Variants in CCDC81 observed in about 807,000 individuals in gnomAD.
CCDC81 encodes the protein coiled-coil domain containing 81.
A neutral mutation model predicts 83.7 loss-of-function variants in CCDC81; 79 were observed. The observed-to-expected ratio is 0.94, with a 90% CI of 0.79 to 1.14. The LOEUF is 1.14. CCDC81 is among the 50% of genes most tolerant of loss of function. CCDC81 has a pLI of 0.00. For missense variants in CCDC81, 791 were observed against 778.1 expected (o/e 1.02, Z -0.20); for synonymous variants, 252 against 278.1 (o/e 0.91, Z 0.93).
rs1381533097 is a variant in CCDC81 at position 86,408,219 on chromosome 11, C to G, written c.1062C>G (p.Leu354=). The G allele has an allele frequency of 1.9e-5, 30 of 1,613,932 alleles. No homozygotes were observed. The highest frequency in any genetic ancestry group is 2.5e-5 in the Non-Finnish European group (29 of 1,179,836). Residue 354 remains leucine, a synonymous_variant, in exon 9 of 15, where the codon CTC becomes CTG. Transcript: ENST00000445632. ...ERRREIEDER[L]IQQYQMLKDQ... The stretch of plus-strand genomic sequence containing the variant: ...GGAGAGAGATAGAAGATGAGAGACT[C>G]ATACAGCAGTATCAGATGTTAAAGG...
In CCDC81 at chr11:86,386,095, C is replaced by G; in HGVS notation, c.124C>G (p.Gln42Glu). 6.8e-7 allele frequency: 1 copy of G among 1,477,910 alleles called. No homozygotes were observed. Among genetic ancestry groups the G allele is most frequent in the Non-Finnish European group, 9.2e-7 (1 of 1,088,640 alleles). 91.5% of individuals were successfully genotyped at this position (1,477,910 alleles called of 1,614,324 possible). ...WGNVSEFVRRQLTLHKGVQIP... is the reference protein window; with the variant it reads ...WGNVSEFVRRELTLHKGVQIP... Reference sequence around the variant, plus strand: ...GAATGTATCAGAATTTGTGAGACGGCAGTTAACCCTGCACAAGGTAAGATT... The same window carrying G: ...GAATGTATCAGAATTTGTGAGACGGGAGTTAACCCTGCACAAGGTAAGATT... Residue 42 changes from glutamine to glutamate, a missense_variant, in exon 2 of 15, where the codon CAG (glutamine) becomes GAG (glutamate). Physicochemically the swap from Gln to Glu is conservative, Grantham distance 29 (BLOSUM62 2). Transcript: ENST00000445632.
intron 5 of CCDC81, among the ~76,000 whole-genome samples, 174 bp from the exon 6 acceptor site, chr11:86,397,447 T>C (rs1170748594): frequency 1.3e-5 from 2 of 152,190 alleles, no homozygotes; most frequent in Admixed American, 1.3e-4. Flanking sequence ...CCAGAAAGCC[T>C]TGGAGAAAAT....
intron 1 of CCDC81, among the ~76,000 whole-genome samples, chr11:86,384,105 C>T (rs73517937): frequency 0.04 from 6,106 of 152,164 alleles, 210 homozygotes; most frequent in African/African-American, 0.088. Flanking sequence ...TCCTAAAATA[C>T]GAGCTTTTAG....
At chr11:86,418,487 A>G (rs564349760) in intron 13 of CCDC81, among the ~76,000 whole-genome samples, 1 of 152,342 alleles carries the variant, frequency 6.6e-6, no homozygotes, top group East Asian at 1.9e-4. Flanking sequence ...GATAAACAAA[A>G]TGTAGTGTGG....
At chr11:86,416,655 C>G (rs1948723679) in intron 13 of CCDC81, among the ~76,000 whole-genome samples, 1 of 152,200 alleles carries the variant, frequency 6.6e-6, no homozygotes, top group South Asian at 2.1e-4. Flanking sequence ...AACTGTAAAG[C>G]TCTGAACACA....
At chr11:86,416,043 C>A (rs548424775) in intron 13 of CCDC81, among the ~76,000 whole-genome samples, 90 of 152,240 alleles carry the variant, frequency 5.9e-4, no homozygotes, top group African/African-American at 2.1e-3. Context: ...ATTTGGATTT[C>A]TTTAATGACT....
chr11:86,407,797 G>A (rs951474825), intron 8 of CCDC81, 96 bp downstream of exon 8: 1 of 932,720 alleles, frequency 1.1e-6, no homozygotes, highest in South Asian at 1.5e-5. Flanking sequence ...TTAATTATAT[G>A]AGTATGGCTC....
chr11:86,386,811 A>T (rs900995738), intron 2 of CCDC81, among the ~76,000 whole-genome samples: 1 of 152,162 alleles, frequency 6.6e-6, no homozygotes, highest in Non-Finnish European at 1.5e-5. Context: ...AAATCAGCAG[A>T]TCTAACAGTA....
In CCDC81 at chr11:86,400,750, T is replaced by G. The variant is rs750274573; in HGVS notation, c.830T>G (p.Leu277Arg). 6.2e-7 allele frequency: 1 copy of G among 1,613,198 alleles called. No homozygotes were observed. The highest frequency in any genetic ancestry group is 1.7e-5 in the Admixed American group (1 of 60,008). Reference protein sequence around the residue: ...FPAKVTNVSLLEKFERSESGG... With the variant: ...FPAKVTNVSLREKFERSESGG... ...GCCAAAGTGACAAATGTCAGCTTGCTGGAAAAGTTTGAACGAAGTGAGAGT... is the reference window on the plus strand; with the variant it reads ...GCCAAAGTGACAAATGTCAGCTTGCGGGAAAAGTTTGAACGAAGTGAGAGT... The change falls in exon 7 of 15, where the codon CTG (leucine) becomes CGG (arginine). Residue 277 changes from leucine to arginine, a missense_variant. Coordinates refer to ENST00000445632, the MANE Select transcript of CCDC81 (RefSeq NM_001156474.2).
chr11:86,419,976 C>G lies in CCDC81; in HGVS notation c.1740C>G (p.Asn580Lys). 1.2e-6 allele frequency: 2 copies of G among 1,613,778 alleles called. No homozygotes were observed. The highest frequency in any genetic ancestry group is 1.7e-6 in the Non-Finnish European group (2 of 1,179,870). The change falls in exon 14 of 15, where the codon AAC (asparagine) becomes AAG (lysine). Residue 580 changes from asparagine (N) to lysine (K), a missense_variant. Transcript: ENST00000445632. ...AGCTGGAGCGAGTAAATAGAGTCAA[C>G]CAATGCTTACAGGAGGACTGGGAAA... is the stretch of plus-strand genomic sequence containing the variant. ...TAELERVNRV[N>K]QCLQEDWERS...
rs535773713 is a variant in CCDC81, at chr11:86,396,829, C to T, written c.636-792C>T. ...GAAAAGAATTTTATTTTGATGGTTTCGGAAGGCAAACATGGCTGTTCCCTT... is the reference window on the plus strand; with the variant it reads ...GAAAAGAATTTTATTTTGATGGTTTTGGAAGGCAAACATGGCTGTTCCCTT... On this transcript the variant is annotated intron_variant, in intron 5 of 14. Coordinates refer to ENST00000445632, the MANE Select transcript of CCDC81 (RefSeq NM_001156474.2). Among the ~76,000 whole-genome samples, 212 of 152,232 alleles carry T rather than the reference C, an allele frequency of 1.4e-3. 2 individuals carry two copies. Among genetic ancestry groups the T allele is most frequent in the African/African-American group, 4.9e-3 (202 of 41,536 alleles).
At chr11:86,395,241 C>G in intron 4 of CCDC81, 93 bp from the exon 5 acceptor site, 1 of 870,136 alleles carries the variant, frequency 1.1e-6, no homozygotes, top group Non-Finnish European at 1.8e-6. Context: ...AGAAAAGTAT[C>G]GTGGTAGCCT....
In CCDC81 at chr11:86,408,221, T is replaced by C. The variant is rs969899330; in HGVS notation, c.1064T>C (p.Ile355Thr). The C allele has an allele frequency of 1.2e-6, 2 of 1,614,066 alleles. No individual in the cohort carries two copies. Among genetic ancestry groups the C allele is most frequent in the South Asian group, 2.2e-5 (2 of 91,060 alleles). ...AGAGAGATAGAAGATGAGAGACTCA[T>C]ACAGCAGTATCAGATGTTAAAGGAT... ...RRREIEDERL[I>T]QQYQMLKDQE... The change falls in exon 9 of 15, where the codon ATA (isoleucine) becomes ACA (threonine). Residue 355 changes from isoleucine (I) to threonine (T), a missense_variant. Ile to Thr is a moderately conservative substitution (Grantham distance 89). Coordinates refer to ENST00000445632, the MANE Select transcript of CCDC81 (RefSeq NM_001156474.2).
At position 86,395,381 on chromosome 11, in the gene CCDC81, G is replaced by T. The variant is rs763510233; in HGVS notation, c.603G>T (p.Arg201Ser). ...DSVLSSREAL[R>S]KWPSSVLAFP... ...TGTTGTCTAGCAGAGAGGCCTTGAG[G>T]AAGTGGCCCAGCAGTGTGCTTGCGT... Residue 201 changes from arginine to serine, a missense_variant, in exon 5 of 15, where the codon AGG (arginine) becomes AGT (serine). By Grantham distance (110) the Arg-to-Ser change is moderately radical. Transcript: ENST00000445632. 3 of 1,614,102 alleles carry T rather than the reference G, an allele frequency of 1.9e-6. No homozygotes were observed. Among genetic ancestry groups the T allele is most frequent in the Non-Finnish European group, 2.5e-6 (3 of 1,179,984 alleles).
chr11:86,394,213 C>T (rs1443391747), intron 4 of CCDC81, among the ~76,000 whole-genome samples: 3 of 152,184 alleles, frequency 2.0e-5, no homozygotes, highest in South Asian at 4.1e-4. Flanking sequence ...AGCTTCAATA[C>T]GTGTTTAAAA....
chr11:86,374,913 G>A lies in CCDC81; in HGVS notation c.-251G>A, dbSNP rs1439072446. 2 of 465,166 alleles carry A rather than the reference G, an allele frequency of 4.3e-6. No individual in the cohort carries two copies. The highest frequency in any genetic ancestry group is 4.3e-5 in the East Asian group (1 of 23,144). 28.8% of individuals were successfully genotyped at this position (465,166 alleles called of 1,614,324 possible). A position where few individuals can be genotyped will look rare whatever the true frequency, so the allele number is the denominator to read the frequency against. ...CTCGGTGCCGGACATCAGTTCCTGC[G>A]GCTCTTGCTGTGGGAGCTGCCCGAG... On this transcript the variant is annotated 5_prime_UTR_variant, in exon 1 of 15. Coordinates refer to ENST00000445632, the MANE Select transcript of CCDC81 (RefSeq NM_001156474.2).
chr11:86,402,821 G>A (rs1593927843), intron 7 of CCDC81, among the ~76,000 whole-genome samples: 1 of 151,774 alleles, frequency 6.6e-6, no homozygotes, highest in Non-Finnish European at 1.5e-5. Flanking sequence ...ATGTTTGTTT[G>A]ATTTCTAGTG....
At chr11:86,387,745 G>C (rs780605545) in intron 3 of CCDC81, 73 bp downstream of exon 3, 2 of 1,063,072 alleles carry the variant, frequency 1.9e-6, no homozygotes, top group Non-Finnish European at 2.8e-6. Context: ...AGGGCAAAGC[G>C]TAGCCAGTGC....
At chr11:86,383,352 T>A (rs1948198467) in intron 1 of CCDC81, among the ~76,000 whole-genome samples, 1 of 152,204 alleles carries the variant, frequency 6.6e-6, no homozygotes, top group Non-Finnish European at 1.5e-5. Context: ...TTTTATAACA[T>A]CAGGAAACAT....
Sources: allele counts gnomAD v4.1 joint callset (sites outside exome capture counted in the v4.1 genomes callset), GRCh38; gene constraint gnomAD v4.1.1; transcripts MANE v1.5; gene names NCBI Gene and HGNC (gene_info 2026-07-23, HGNC 2026-07-21).